The following APBB2 variants were observed in gnomAD, a reference collection of about 807,000 sequenced individuals.
APBB2 encodes the protein amyloid beta precursor protein binding family B member 2, also known as Fe65-like 1.
Under a neutral mutation model 82.5 loss-of-function variants are expected in APBB2, and 38 were observed. The ratio of observed to expected loss-of-function variants is 0.46; its 90% CI spans 0.36 to 0.60. The LOEUF (loss-of-function observed/expected upper bound fraction) is 0.60. APBB2 is among the 20% of genes least tolerant of loss of function. The probability of loss-of-function intolerance (pLI) is 0.00; values close to 1 mark genes in which losing one functional copy is unlikely to be tolerated. For missense variants in APBB2, 772 were observed against 972.3 expected (o/e 0.79, Z 2.74); for synonymous variants, 341 against 368.2 (o/e 0.93, Z 0.85).
At chr4:40,986,718 A>G (rs778398398) in intron 6 of APBB2, among the ~76,000 whole-genome samples, 9 of 152,150 alleles carry the variant, frequency 5.9e-5, no homozygotes, top group Non-Finnish European at 1.0e-4. Context: ...TTAATCCATC[A>G]CTCATGAGTG....
intron 6 of APBB2, among the ~76,000 whole-genome samples, chr4:40,950,493 C>T (rs4861338): frequency 0.17 from 25,813 of 152,162 alleles, 2,435 homozygotes; most frequent in Non-Finnish European, 0.21. Context: ...GGGAGAACTG[C>T]TTGAGTCTAG....
rs1487803535 is a variant in APBB2, at chr4:40,930,444, TGTGTGCGCGCGCGC to T, written c.1254+3998_1254+4011del. ...AAGTGTGTGTGTGTGTGTGTGTGTG[TGTGTGCGCGCGCGC>T]GCGCGCGCGTGCGCGTGCGCGTATG... On this transcript the variant is annotated intron_variant, in intron 10 of 17. Coordinates refer to ENST00000508593, the MANE Select transcript of APBB2 (RefSeq NM_004307.2). Among the ~76,000 whole-genome samples, 47 of 60,926 alleles carry T rather than the reference TGTGTGCGCGCGCGC, an allele frequency of 7.7e-4. No individual in the cohort carries two copies. In the South Asian group the frequency reaches 8.9e-3, roughly 12 times the overall value. The allele number at this position is 60,926 out of a possible 152,430, so 40.0% of individuals were successfully genotyped here.
Position 41,208,592 on chromosome 4 carries a change from A to G in APBB2, c.-417+5813T>C, listed in dbSNP as rs1342829744. On this transcript the variant is annotated intron_variant, in intron 1 of 17. Transcript: ENST00000508593. ...ATTCTTTTTCATCAACTTAAAAAAA[A>G]CGACACTCTTCCTCCCACTCTAAGC... 5.9e-5 allele frequency among the ~76,000 whole-genome samples: 9 copies of G among 152,242 alleles called. No homozygotes were observed. The East Asian group carries it at 9.7e-4, about 16-fold the overall frequency.
chr4:40,933,053 G>A (rs906635885), intron 10 of APBB2, among the ~76,000 whole-genome samples: 12 of 152,110 alleles, frequency 7.9e-5, no homozygotes, highest in Admixed American at 5.2e-4. Flanking sequence ...TAGTAGAGAC[G>A]GGGTTTCACC....
intron 3 of APBB2, among the ~76,000 whole-genome samples, chr4:41,091,627 G>C (rs1270869292): frequency 6.6e-6 from 1 of 152,196 alleles, no homozygotes; most frequent in East Asian, 1.9e-4. Context: ...ACACCTTGCA[G>C]AGTTATCTAG....
At position 41,199,991 on chromosome 4, in the gene APBB2, T is replaced by C. The variant is rs142520537; in HGVS notation, c.-417+14414A>G. Among the ~76,000 whole-genome samples the C allele has an allele frequency of 3.2e-3, 489 of 152,364 alleles. 2 individuals carry two copies. Among genetic ancestry groups the C allele is most frequent in the Non-Finnish European group, 4.0e-3 (272 of 68,036 alleles). On this transcript the variant is annotated intron_variant, in intron 1 of 17. Coordinates refer to ENST00000508593, the MANE Select transcript of APBB2 (RefSeq NM_004307.2). ...ACAGATTTGGGGAAATGATCTGGTA[T>C]GAGTAATTGTTAACCAACCCACTTC...
rs576209956 is a variant in APBB2, at chr4:41,170,521, C to A, written c.-416-27379G>T. Among the ~76,000 whole-genome samples, 351 of 152,194 alleles carry A rather than the reference C, an allele frequency of 2.3e-3. 1 individual carries two copies. The highest frequency in any genetic ancestry group is 8.0e-3 in the African/African-American group (332 of 41,528). On this transcript the variant is annotated intron_variant, in intron 1 of 17. Coordinates refer to ENST00000508593, the MANE Select transcript of APBB2 (RefSeq NM_004307.2). ...GCTTATTCAGTCATGAAGAGATAAC[C>A]AAAAAATTCAAACTGAGGGGCATTC...
intron 1 of APBB2, among the ~76,000 whole-genome samples, chr4:41,195,765 C>G: frequency 4.6e-5 from 7 of 152,124 alleles, no homozygotes; most frequent in Non-Finnish European, 8.8e-5. Context: ...TGATCCCATT[C>G]CCACCCTGCT....
chr4:40,820,751 C>G (rs545370221), intron 17 of APBB2, among the ~76,000 whole-genome samples: 5 of 152,276 alleles, frequency 3.3e-5, no homozygotes, highest in Middle Eastern at 3.4e-3. Flanking sequence ...GGCCCCCACA[C>G]GCCATCATCA....
Position 40,832,009 on chromosome 4 carries a change from T to TACACACACACACACACACAC in APBB2, c.1530-1433_1530-1432insGTGTGTGTGTGTGTGTGTGT, listed in dbSNP as rs1491119318. Among the ~76,000 whole-genome samples, 1 of 7,656 alleles carries TACACACACACACACACACAC rather than the reference T, an allele frequency of 1.3e-4. No individual in the cohort carries two copies. Among genetic ancestry groups the TACACACACACACACACACAC allele is most frequent in the Admixed American group, 2.0e-3 (1 of 500 alleles). The allele number at this position is 7,656 out of a possible 152,430, so 5.0% of individuals were successfully genotyped here. On this transcript the variant is annotated intron_variant, in intron 12 of 17. Coordinates refer to ENST00000508593, the MANE Select transcript of APBB2 (RefSeq NM_004307.2). The surrounding 1 kb of genome is among the most constrained non-coding windows in gnomAD (Gnocchi z 4.8). ...ACACACACATATTTATATATTTATT[T>TACACACACACACACACACAC]ATATACACACACACACACACACACA...
At chr4:40,881,550 T>TTTC (rs1169071862) in intron 12 of APBB2, 1 of 239,228 alleles carries the variant, frequency 4.2e-6, no homozygotes, top group African/African-American at 2.4e-5. Flanking sequence ...TTTTTTTTTT[T>TTTC]TGATACAGAC....
chr4:40,820,932 G>C (rs568913203), intron 17 of APBB2, among the ~76,000 whole-genome samples: 1 of 152,010 alleles, frequency 6.6e-6, no homozygotes, highest in South Asian at 2.1e-4. Flanking sequence ...GCAATGACGC[G>C]ATCTCGGTTC....
chr4:41,177,362 C>T (rs531389711), intron 1 of APBB2, among the ~76,000 whole-genome samples: 1 of 152,302 alleles, frequency 6.6e-6, no homozygotes, highest in Admixed American at 6.5e-5. Flanking sequence ...GGGAGCTATG[C>T]AGCCCTGAAA....
At chr4:41,163,638 C>T (rs965936894) in intron 1 of APBB2, among the ~76,000 whole-genome samples, 1 of 152,180 alleles carries the variant, frequency 6.6e-6, no homozygotes, top group Non-Finnish European at 1.5e-5. Flanking sequence ...TGATAATGGG[C>T]ATCCTGGACA....
At chr4:40,996,434 C>A (rs1044268122) in intron 6 of APBB2, among the ~76,000 whole-genome samples, 4 of 152,168 alleles carry the variant, frequency 2.6e-5, no homozygotes, top group Non-Finnish European at 5.9e-5. Flanking sequence ...AGGACATACA[C>A]GAGTCCCAGA....
intron 1 of APBB2, among the ~76,000 whole-genome samples, chr4:41,196,142 G>C: frequency 6.7e-6 from 1 of 149,320 alleles, no homozygotes; most frequent in Non-Finnish European, 1.5e-5. Context: ...CTGGTCGACA[G>C]AGCAAGACTC....
At chr4:40,836,607 G>A (rs1346927824) in intron 12 of APBB2, among the ~76,000 whole-genome samples, 3 of 152,200 alleles carry the variant, frequency 2.0e-5, no homozygotes, top group Non-Finnish European at 4.4e-5. Context: ...AAATTGCTGG[G>A]GAAGAGGGCA....
intron 10 of APBB2, among the ~76,000 whole-genome samples, chr4:40,915,544 A>G (rs139185401): frequency 6.6e-6 from 1 of 152,204 alleles, no homozygotes; most frequent in Non-Finnish European, 1.5e-5. Context: ...CTTCAGGGCT[A>G]ATTTCACTTT....
intron 5 of APBB2, among the ~76,000 whole-genome samples, chr4:41,027,364 CATATAT>C (rs36224955): frequency 0.067 from 8,525 of 126,730 alleles, 412 homozygotes; most frequent in Middle Eastern, 0.11. Flanking sequence ...CATATTGTTA[CATATAT>C]ATATATATAT....
Sources: gnomAD v4.1 joint callset for allele counts (sites outside exome capture counted in the v4.1 genomes callset) on GRCh38, gnomAD v4.1.1 for gene constraint, Gnocchi (gnomAD v3.1) non-coding constraint, MANE v1.5 for transcripts, NCBI Gene and HGNC (gene_info 2026-07-23, HGNC 2026-07-21) for gene names.